STPG2: variants seen among roughly 807,000 people sequenced by gnomAD.
The protein encoded by STPG2 is sperm tail PG-rich repeat containing 2.
STPG2 carries 56 observed loss-of-function variants against 54.2 expected under a neutral mutation model. The ratio of observed to expected loss-of-function variants is 1.03; its 90% CI spans 0.83 to 1.29. The LOEUF is 1.29. STPG2 is among the 50% of genes most tolerant of loss of function. STPG2 has a pLI of 0.00. For synonymous variants in STPG2, 200 were observed against 181.8 expected (o/e 1.10, Z -0.81); for missense variants, 596 against 544.9 (o/e 1.09, Z -0.93).
intron 9 of STPG2, among the ~76,000 whole-genome samples, chr4:97,785,456 C>A (rs938486734): frequency 1.1e-4 from 17 of 152,050 alleles, no homozygotes; most frequent in African/African-American, 4.1e-4. Context: ...TTTCCCCAAG[C>A]ATCTTCTATT....
At chr4:97,735,766 G>A (rs372175779) in intron 9 of STPG2, among the ~76,000 whole-genome samples, 2 of 151,642 alleles carry the variant, frequency 1.3e-5, no homozygotes, top group African/African-American at 4.9e-5. Flanking sequence ...ATGTGTGTCT[G>A]TGTGTGTATG....
chr4:97,819,205 A>G (rs1262868734), intron 9 of STPG2, among the ~76,000 whole-genome samples: 1 of 151,882 alleles, frequency 6.6e-6, no homozygotes, highest in Non-Finnish European at 1.5e-5. Context: ...AATGACCAAA[A>G]AAGTTATACA....
At chr4:97,586,056 C>A (rs538969246) in intron 10 of STPG2, among the ~76,000 whole-genome samples, 1 of 151,766 alleles carries the variant, frequency 6.6e-6, no homozygotes, top group Non-Finnish European at 1.5e-5. Context: ...TTTTAAGAGA[C>A]CCATCATAAA....
At chr4:97,904,832 C>A (rs1202823218) in intron 8 of STPG2, among the ~76,000 whole-genome samples, 1 of 152,112 alleles carries the variant, frequency 6.6e-6, no homozygotes, top group Non-Finnish European at 1.5e-5. Flanking sequence ...GAAGCCGATG[C>A]AATCAACTGG....
intron 5 of STPG2, among the ~76,000 whole-genome samples, chr4:97,992,338 C>T (rs1735048541): frequency 6.6e-6 from 1 of 152,228 alleles, no homozygotes; most frequent in African/African-American, 2.4e-5. Context: ...TATCCCAGCA[C>T]CATTTGTTGA....
chr4:97,552,611 T>C (rs1303586860), intron 4 of STPG2, among the ~76,000 whole-genome samples: 4 of 152,160 alleles, frequency 2.6e-5, no homozygotes, highest in Non-Finnish European at 4.4e-5. Flanking sequence ...GAATTGAATA[T>C]ATATGCTAGA....
chr4:97,941,271 T>C (rs1732971540), intron 8 of STPG2, among the ~76,000 whole-genome samples: 1 of 151,604 alleles, frequency 6.6e-6, no homozygotes, highest in Non-Finnish European at 1.5e-5. Context: ...CTTCTGAAAA[T>C]GAAAAAAAAA....
rs146038682 is a variant in STPG2, at chr4:97,820,249, T to C, written c.1204+20524A>G. On this transcript the variant is annotated intron_variant, in intron 9 of 10. Transcript: ENST00000295268. Reference sequence around the variant, plus strand: ...AATCTATAAATGTGGTGTGTGTTCCTATGGCTCCACTGACCAGACACTCTC... The same window carrying C: ...AATCTATAAATGTGGTGTGTGTTCCCATGGCTCCACTGACCAGACACTCTC... Among the ~76,000 whole-genome samples, 1,020 of 152,260 alleles carry C rather than the reference T, an allele frequency of 6.7e-3. 10 individuals are homozygous for C. The highest frequency in any genetic ancestry group is 6.8e-3 in the Middle Eastern group (2 of 294).
intron 10 of STPG2, among the ~76,000 whole-genome samples, chr4:97,661,042 A>T (rs934960422): frequency 6.6e-6 from 1 of 152,094 alleles, no homozygotes; most frequent in Admixed American, 6.6e-5. Context: ...AACCGATATA[A>T]AAAAATAAGT....
intron 8 of STPG2, among the ~76,000 whole-genome samples, chr4:97,934,104 T>C (rs1388251522): frequency 6.6e-6 from 1 of 152,202 alleles, no homozygotes; most frequent in Non-Finnish European, 1.5e-5. Flanking sequence ...TATTCCCAGG[T>C]ATTTTATTCT....
intron 10 of STPG2, among the ~76,000 whole-genome samples, chr4:97,672,112 A>T (rs1722714044): frequency 6.6e-6 from 1 of 151,684 alleles, no homozygotes; most frequent in African/African-American, 2.4e-5. Flanking sequence ...TTTCCATTTT[A>T]CATGGTAAAA....
At chr4:98,029,796 A>C (rs565611420) in intron 5 of STPG2, among the ~76,000 whole-genome samples, 70 of 152,294 alleles carry the variant, frequency 4.6e-4, no homozygotes, top group Non-Finnish European at 8.4e-4. Context: ...AGTAGCTTGC[A>C]ATGCAGCCTG....
intron 5 of STPG2, among the ~76,000 whole-genome samples, chr4:98,034,407 C>T (rs901297863): frequency 2.0e-5 from 3 of 152,160 alleles, no homozygotes; most frequent in Admixed American, 6.5e-5. Flanking sequence ...TGAAGTACCT[C>T]TTCAAGGAGA....
At chr4:97,814,951 C>T (rs1407720882) in intron 9 of STPG2, among the ~76,000 whole-genome samples, 4 of 151,968 alleles carry the variant, frequency 2.6e-5, no homozygotes, top group African/African-American at 9.7e-5. Context: ...TAGTTCTGTC[C>T]CTCTAGAGAA....
At chr4:97,974,046 G>A (rs903613559) in intron 6 of STPG2, among the ~76,000 whole-genome samples, 1 of 152,148 alleles carries the variant, frequency 6.6e-6, no homozygotes, top group South Asian at 2.1e-4. Flanking sequence ...GAAAGCATCC[G>A]GGAGGGAGGC....
chr4:97,484,176 A>C (rs1299737256), intron 4 of STPG2, among the ~76,000 whole-genome samples: 2 of 151,794 alleles, frequency 1.3e-5, no homozygotes, highest in African/African-American at 4.8e-5. Context: ...AGAAACAAGA[A>C]CAAGTCAAAC....
At chr4:98,056,891 C>T (rs1323788141) in intron 5 of STPG2, among the ~76,000 whole-genome samples, 2 of 151,862 alleles carry the variant, frequency 1.3e-5, no homozygotes, top group Admixed American at 6.6e-5. Context: ...AAGGTGCTTG[C>T]TTCCCCTTCA....
chr4:97,809,283 A>C (rs1727665444), intron 9 of STPG2, among the ~76,000 whole-genome samples: 2 of 152,206 alleles, frequency 1.3e-5, no homozygotes, highest in Non-Finnish European at 2.9e-5. Flanking sequence ...ATGGTGACAG[A>C]GAGAGCAGCA....
intron 10 of STPG2, among the ~76,000 whole-genome samples, chr4:97,584,923 C>A (rs1578405789): frequency 6.6e-6 from 1 of 151,624 alleles, no homozygotes; most frequent in African/African-American, 2.4e-5. Context: ...CAGCTGAATT[C>A]TTTCAGGCAC....
Sources: allele counts gnomAD v4.1 joint callset (sites outside exome capture counted in the v4.1 genomes callset), GRCh38; gene constraint gnomAD v4.1.1; transcripts MANE v1.5; gene names NCBI Gene and HGNC (gene_info 2026-07-23, HGNC 2026-07-21).